GPC3: variants seen among roughly 807,000 people sequenced by gnomAD.
GPC3 encodes glypican 3.
In GPC3, 3 loss-of-function variants were observed where a neutral mutation model predicts 34.4. The ratio of observed to expected loss-of-function variants is 0.09; its 90% CI spans 0.04 to 0.23. The LOEUF is 0.23. GPC3 is among the 10% of genes least tolerant of loss of function. The pLI is 1.00. For synonymous variants in GPC3, 177 were observed against 174.0 expected (o/e 1.02, Z -0.13); for missense variants, 351 against 445.6 (o/e 0.79, Z 1.91).
At chrX:133,774,103 C>G (rs2071951221) in intron 2 of GPC3, among the ~76,000 whole-genome samples, 1 of 112,204 alleles carries the variant, frequency 8.9e-6, no homozygotes, top group Non-Finnish European at 1.9e-5. Context: ...GGTTTTATCC[C>G]GTACAATTTT....
intron 2 of GPC3, among the ~76,000 whole-genome samples, chrX:133,830,694 A>AC (rs2075771178): frequency 9.3e-6 from 1 of 107,464 alleles, no homozygotes; most frequent in African/African-American, 3.4e-5. Context: ...AAAAAAAAAA[A>AC]AAAAAAAAAA....
chrX:133,689,728 A>G (rs1249150549), intron 5 of GPC3, among the ~76,000 whole-genome samples: 1 of 112,275 alleles, frequency 8.9e-6, no homozygotes, highest in Non-Finnish European at 1.9e-5. Context: ...ATGAATGAAC[A>G]CATCAGTAAA....
intron 2 of GPC3, among the ~76,000 whole-genome samples, chrX:133,789,581 A>G (rs1477587725): frequency 8.9e-6 from 1 of 111,859 alleles, no homozygotes; most frequent in Non-Finnish European, 1.9e-5. Flanking sequence ...TGTCACCTCT[A>G]TGGACGACTA....
At chrX:133,976,551 C>T (rs1339405738) in intron 1 of GPC3, among the ~76,000 whole-genome samples, 1 of 111,806 alleles carries the variant, frequency 8.9e-6, no homozygotes, top group African/African-American at 3.3e-5. Flanking sequence ...CCAAACACCA[C>T]ACTTAGGTAA....
intron 2 of GPC3, among the ~76,000 whole-genome samples, chrX:133,756,493 A>G (rs73564936): frequency 0.03 from 3,356 of 111,922 alleles, 128 homozygotes; most frequent in African/African-American, 0.1. Flanking sequence ...ACTCCTGTAG[A>G]TCTCAATCAT....
At chrX:133,628,917 C>T (rs934274562) in intron 6 of GPC3, among the ~76,000 whole-genome samples, 3 of 111,224 alleles carry the variant, frequency 2.7e-5, no homozygotes, top group Admixed American at 9.6e-5. Context: ...TGGATGTCCA[C>T]GCGAATCAAG....
At position 133,954,630 on chromosome X, in the gene GPC3, A is replaced by G. The variant is rs189001215; in HGVS notation, c.176-1419T>C. On this transcript the variant is annotated intron_variant, in intron 1 of 7. Coordinates refer to ENST00000370818, the MANE Select transcript of GPC3 (RefSeq NM_004484.4). ...AGGAGAGATGAGGAAGGTGAGTGTGAATCTGATGATTTTATATCCTCCACC... is the reference window on the plus strand; with the variant it reads ...AGGAGAGATGAGGAAGGTGAGTGTGGATCTGATGATTTTATATCCTCCACC... Among the ~76,000 whole-genome samples the G allele has an allele frequency of 2.0e-3, 219 of 110,703 alleles. 1 individual carries two copies. The highest frequency in any genetic ancestry group is 3.3e-3 in the Non-Finnish European group (173 of 52,830).
chrX:133,577,652 A>C (rs888773775), intron 7 of GPC3, among the ~76,000 whole-genome samples: 1 of 112,014 alleles, frequency 8.9e-6, no homozygotes, highest in African/African-American at 3.2e-5. Context: ...TTGAAGATGC[A>C]TTTGGAAATC....
At chrX:133,626,855 C>T (rs2070303414) in intron 6 of GPC3, among the ~76,000 whole-genome samples, 1 of 107,960 alleles carries the variant, frequency 9.3e-6, no homozygotes, top group African/African-American at 3.4e-5. Flanking sequence ...GCTATAAAGA[C>T]ACATGCACAC....
intron 3 of GPC3, among the ~76,000 whole-genome samples, chrX:133,724,500 A>C (rs1408170905): frequency 9.0e-6 from 1 of 111,713 alleles, no homozygotes; most frequent in Non-Finnish European, 1.9e-5. Context: ...ACTTTGCTTG[A>C]AATGTATCTT....
chrX:133,793,877 A>G (rs746965354), intron 2 of GPC3, among the ~76,000 whole-genome samples: 1 of 111,813 alleles, frequency 8.9e-6, no homozygotes, highest in Admixed American at 9.5e-5. Flanking sequence ...AACCCTCAGG[A>G]GGTGAAAAGA....
At chrX:133,704,404 T>C in intron 3 of GPC3, 1 of 331,814 alleles carries the variant, frequency 3.0e-6, no homozygotes, top group Non-Finnish European at 5.3e-6. Flanking sequence ...GAGAAATCCA[T>C]ACAAATATGT....
At chrX:133,958,723 AC>A (rs1466632072) in intron 1 of GPC3, among the ~76,000 whole-genome samples, 57 of 104,419 alleles carry the variant, frequency 5.5e-4, no homozygotes, top group African/African-American at 1.9e-3. Flanking sequence ...AAAAAAAAAA[AC>A]AAAAAAAAAA....
At chrX:133,639,354 C>T (rs776269197) in intron 6 of GPC3, among the ~76,000 whole-genome samples, 2 of 112,247 alleles carry the variant, frequency 1.8e-5, no homozygotes, top group South Asian at 3.7e-4. Flanking sequence ...CTGTATCTGT[C>T]TCTTCTATGA....
chrX:133,589,559 A>G (rs768906841), intron 7 of GPC3, among the ~76,000 whole-genome samples: 26 of 109,878 alleles, frequency 2.4e-4, no homozygotes, highest in Non-Finnish European at 4.7e-4. Context: ...TATTTTTAGT[A>G]GAGGCGGGGT....
intron 3 of GPC3, among the ~76,000 whole-genome samples, chrX:133,721,868 T>C (rs2071371432): frequency 8.9e-6 from 1 of 111,853 alleles, no homozygotes; most frequent in African/African-American, 3.2e-5. Context: ...TAATCCTGGA[T>C]TTGACAATGT....
chrX:133,765,993 A>G (rs1428854394), intron 2 of GPC3, among the ~76,000 whole-genome samples: 1 of 112,028 alleles, frequency 8.9e-6, no homozygotes, highest in Non-Finnish European at 1.9e-5. Flanking sequence ...CTTTACAGAT[A>G]GAGAGCCATA....
intron 2 of GPC3, among the ~76,000 whole-genome samples, chrX:133,781,654 G>C (rs1386877393): frequency 8.9e-6 from 1 of 111,813 alleles, no homozygotes; most frequent in Non-Finnish European, 1.9e-5. Flanking sequence ...CTAGGTGTAA[G>C]CATGCCTAGT....
Position 133,875,247 on chromosome X carries a change from C to T in GPC3, c.337+77803G>A, listed in dbSNP as rs772062943. Among the ~76,000 whole-genome samples the T allele has an allele frequency of 8.0e-5, 9 of 111,880 alleles. No individual in the cohort carries two copies. In the South Asian group the frequency reaches 2.6e-3, roughly 33 times the overall value. ...GTGGCCCACATGATATACACAGAGA[C>T]GAAAGAGGAGGCAGTTTAAATTGGA... On this transcript the variant is annotated intron_variant, in intron 2 of 7. Transcript: ENST00000370818.
Sources: gnomAD v4.1 joint callset for allele counts (sites outside exome capture counted in the v4.1 genomes callset) on GRCh38, gnomAD v4.1.1 for gene constraint, MANE v1.5 for transcripts, NCBI Gene and HGNC (gene_info 2026-07-23, HGNC 2026-07-21) for gene names.